The following ARMC9 variants were observed in gnomAD, a reference collection of about 807,000 sequenced individuals.
ARMC9 encodes lisH domain-containing protein ARMC9.
A neutral mutation model predicts 107.0 loss-of-function variants in ARMC9; 94 were observed. The ratio of observed to expected loss-of-function variants is 0.88; its 90% CI spans 0.74 to 1.04. The LOEUF (loss-of-function observed/expected upper bound fraction) is 1.04, where lower values mean the gene tolerates loss of function less well. ARMC9 is among the 50% of genes least tolerant of loss of function. The probability of loss-of-function intolerance (pLI) is 0.00; values close to 1 mark genes in which losing one functional copy is unlikely to be tolerated. For missense variants in ARMC9, 942 were observed against 1,030.1 expected (o/e 0.91, Z 1.17); for synonymous variants, 380 against 396.9 (o/e 0.96, Z 0.51).
chr2:231,267,263 C>T (rs2038935733), intron 12 of ARMC9, among the ~76,000 whole-genome samples: 1 of 152,124 alleles, frequency 6.6e-6, no homozygotes, highest in Non-Finnish European at 1.5e-5. Flanking sequence ...GACAGTCTCG[C>T]TCTGTCACCC....
At chr2:231,349,897 C>T (rs1420813987) in intron 21 of ARMC9, among the ~76,000 whole-genome samples, 9 of 151,988 alleles carry the variant, frequency 5.9e-5, no homozygotes, top group Admixed American at 3.3e-4. Context: ...ATTTTTTTTA[C>T]ACACAGGATG....
intron 20 of ARMC9, among the ~76,000 whole-genome samples, chr2:231,343,604 T>C (rs2044647380): frequency 6.6e-6 from 1 of 152,196 alleles, no homozygotes; most frequent in African/African-American, 2.4e-5. Context: ...TTTCACTAGT[T>C]TGACAGTGAT....
At chr2:231,265,996 TAAA>T (rs541194304) in intron 12 of ARMC9, among the ~76,000 whole-genome samples, 11 of 125,310 alleles carry the variant, frequency 8.8e-5, no homozygotes, top group Admixed American at 1.6e-4. Context: ...AGACGCCATC[TAAA>T]AAAAAAAAAA....
chr2:231,217,856 C>T (rs1220932043), intron 5 of ARMC9, among the ~76,000 whole-genome samples: 1 of 152,098 alleles, frequency 6.6e-6, no homozygotes, highest in East Asian at 1.9e-4. Context: ...GCACACCTGG[C>T]TAATTGTTGT....
rs534689372 is a variant in ARMC9 at position 231,257,829 on chromosome 2, G to T, written c.915-1162G>T. 9.2e-5 allele frequency among the ~76,000 whole-genome samples: 14 copies of T among 152,180 alleles called. No individual in the cohort carries two copies. In the East Asian group the frequency reaches 1.7e-3, roughly 19 times the overall value. On this transcript the variant is annotated intron_variant, in intron 10 of 24. Coordinates refer to ENST00000611582, the MANE Select transcript of ARMC9 (RefSeq NM_001352754.2). ...ATCATTGATACAGTACTGTGAACTAGACTGCAAACCTCATTTAGTCTCACC... is the reference window on the plus strand; with the variant it reads ...ATCATTGATACAGTACTGTGAACTATACTGCAAACCTCATTTAGTCTCACC...
intron 19 of ARMC9, among the ~76,000 whole-genome samples, chr2:231,321,530 A>G (rs955625961): frequency 6.6e-6 from 1 of 152,172 alleles, no homozygotes; most frequent in African/African-American, 2.4e-5. Flanking sequence ...TCTTTATGAC[A>G]TTCCTGCTGG....
chr2:231,227,886 T>C (rs1280704581), intron 7 of ARMC9, among the ~76,000 whole-genome samples: 1 of 152,162 alleles, frequency 6.6e-6, no homozygotes, highest in Non-Finnish European at 1.5e-5. Context: ...CTTCTGTCGC[T>C]CAGAGGGGAC....
intron 19 of ARMC9, among the ~76,000 whole-genome samples, chr2:231,331,151 A>C (rs969011356): frequency 6.6e-6 from 1 of 152,082 alleles, no homozygotes; most frequent in African/African-American, 2.4e-5. Context: ...CAAAAAAGAA[A>C]AGAAAACCCA....
intron 19 of ARMC9, among the ~76,000 whole-genome samples, chr2:231,316,989 C>T (rs533793561): frequency 2.0e-5 from 3 of 152,234 alleles, no homozygotes; most frequent in African/African-American, 4.8e-5. Flanking sequence ...TCTCAAACTG[C>T]GCCCAGCCCC....
chr2:231,359,882 C>A (rs1007218285), intron 22 of ARMC9, among the ~76,000 whole-genome samples: 1 of 152,172 alleles, frequency 6.6e-6, no homozygotes, highest in African/African-American at 2.4e-5. Flanking sequence ...TACAGGGAAA[C>A]CTGCAGGGAA....
chr2:231,308,612 G>C (rs1206621913), intron 19 of ARMC9, among the ~76,000 whole-genome samples: 1 of 152,158 alleles, frequency 6.6e-6, no homozygotes, highest in Non-Finnish European at 1.5e-5. Flanking sequence ...TCATGTGTAG[G>C]GCGAAACTAG....
intron 19 of ARMC9, among the ~76,000 whole-genome samples, chr2:231,307,207 G>A (rs1467106514): frequency 1.3e-5 from 2 of 152,236 alleles, no homozygotes; most frequent in Non-Finnish European, 2.9e-5. Context: ...GAAGCACTGG[G>A]GTGGAGCAAG....
intron 19 of ARMC9, among the ~76,000 whole-genome samples, chr2:231,317,523 T>TG (rs562361121): frequency 5.9e-5 from 9 of 151,472 alleles, no homozygotes; most frequent in African/African-American, 2.2e-4. Flanking sequence ...GTGTTTGTTT[T>TG]GGGGTTTTTT....
chr2:231,242,252 A>T (rs2036369760), intron 9 of ARMC9, among the ~76,000 whole-genome samples: 1 of 151,172 alleles, frequency 6.6e-6, no homozygotes, highest in South Asian at 2.1e-4. Context: ...GTTTGTATGG[A>T]TCTTCATAGA....
rs375669516 is a variant in ARMC9 at position 231,278,446 on chromosome 2, T to C, written c.1539T>C (p.His513=). The change falls in exon 16 of 25, where the codon CAT becomes CAC. Residue 513 remains histidine, a synonymous_variant. Coordinates refer to ENST00000611582, the MANE Select transcript of ARMC9 (RefSeq NM_001352754.2). ...VLKVLSDLLG[H]ENHEIQPYVN... ...AAGTCCTTTCGGATCTTCTTGGCCA[T>C]GAAAACCATGAGGTACTCATTCAGC... is the stretch of plus-strand genomic sequence containing the variant. 2.4e-5 allele frequency: 39 copies of C among 1,613,912 alleles called. No homozygotes were observed. The African/African-American group carries it at 4.1e-4, about 17-fold the overall frequency.
At chr2:231,225,560 G>C (rs2034563357) in intron 6 of ARMC9, among the ~76,000 whole-genome samples, 1 of 152,168 alleles carries the variant, frequency 6.6e-6, no homozygotes, top group African/African-American at 2.4e-5. Flanking sequence ...ATGAAGCACT[G>C]ATTCATGCTG....
At chr2:231,202,870 C>T (rs2031291968) in intron 1 of ARMC9, among the ~76,000 whole-genome samples, 1 of 152,056 alleles carries the variant, frequency 6.6e-6, no homozygotes. Flanking sequence ...CATTCTGTTC[C>T]CTTCAGGTGC....
intron 19 of ARMC9, 35 bp from the exon 20 acceptor site, chr2:231,331,758 T>A: frequency 6.3e-7 from 1 of 1,577,522 alleles, no homozygotes; most frequent in Non-Finnish European, 8.7e-7. Flanking sequence ...TGTGTCAGGG[T>A]GTCCATGGCA....
In ARMC9 at chr2:231,331,817, G is replaced by T; in HGVS notation, c.1798G>T (p.Asp600Tyr). The T allele has an allele frequency of 6.2e-7, 1 of 1,613,930 alleles. No homozygotes were observed. Among genetic ancestry groups the T allele is most frequent in the Non-Finnish European group, 8.5e-7 (1 of 1,179,894 alleles). The change falls in exon 20 of 25, where the codon GAT (aspartate) becomes TAT (tyrosine). Residue 600 changes from aspartate (D) to tyrosine (Y), a missense_variant. Coordinates refer to ENST00000611582, the MANE Select transcript of ARMC9 (RefSeq NM_001352754.2). Reference protein sequence around the residue: ...DEEDHDIMEADLDKDELIQPQ... With the variant: ...DEEDHDIMEAYLDKDELIQPQ... ...GGAGGACCATGACATCATGGAAGCC[G>T]ATCTGGACAAAGACGAACTGATCCA...
Sources: gnomAD v4.1 joint callset for allele counts (sites outside exome capture counted in the v4.1 genomes callset) on GRCh38, gnomAD v4.1.1 for gene constraint, MANE v1.5 for transcripts, NCBI Gene and HGNC (gene_info 2026-07-23, HGNC 2026-07-21) for gene names.